EBF1: variants seen among roughly 807,000 people sequenced by gnomAD.
The protein encoded by EBF1 is EBF transcription factor 1, also known as transcription factor COE1.
Under a neutral mutation model 68.4 loss-of-function variants are expected in EBF1, and 10 were observed. The observed-to-expected ratio is 0.15, with a 90% CI of 0.09 to 0.25. The LOEUF is 0.25. EBF1 is among the 10% of genes least tolerant of loss of function. EBF1 has a pLI of 1.00. For missense variants in EBF1, 509 were observed against 794.4 expected (o/e 0.64, Z 4.32); for synonymous variants, 298 against 299.8 (o/e 0.99, Z 0.06).
chr5:158,874,957 T>C (rs1386017619), intron 6 of EBF1, among the ~76,000 whole-genome samples: 1 of 152,106 alleles, frequency 6.6e-6, no homozygotes, highest in South Asian at 2.1e-4. Flanking sequence ...ATGGCAATTA[T>C]AGAACCATGC....
chr5:159,044,244 C>A (rs955186518), intron 6 of EBF1, among the ~76,000 whole-genome samples: 1 of 152,138 alleles, frequency 6.6e-6, no homozygotes, highest in African/African-American at 2.4e-5. Context: ...TAAGTGATGA[C>A]AATCTTAGCA....
At chr5:158,936,762 A>T (rs1029155632) in intron 6 of EBF1, among the ~76,000 whole-genome samples, 3 of 152,144 alleles carry the variant, frequency 2.0e-5, no homozygotes, top group Non-Finnish European at 4.4e-5. Flanking sequence ...CTGTAACCTT[A>T]ATCTTGTTGA....
intron 6 of EBF1, among the ~76,000 whole-genome samples, chr5:158,939,969 T>C (rs575080739): frequency 2.0e-5 from 3 of 152,284 alleles, no homozygotes; most frequent in African/African-American, 7.2e-5. Flanking sequence ...AATACACTTA[T>C]ACCCTCTTAC....
chr5:159,017,406 G>A (rs1765833151), intron 6 of EBF1, among the ~76,000 whole-genome samples: 1 of 152,146 alleles, frequency 6.6e-6, no homozygotes, highest in African/African-American at 2.4e-5. Flanking sequence ...TTCTCCAACA[G>A]CAACGGAGCA....
At position 158,799,565 on chromosome 5, in the gene EBF1, T is replaced by A. The variant is rs1317611057; in HGVS notation, c.779-3090A>T. Among the ~76,000 whole-genome samples, 4 of 152,204 alleles carry A rather than the reference T, an allele frequency of 2.6e-5. No homozygotes were observed. The South Asian group carries it at 8.3e-4, about 32-fold the overall frequency. ...AAACCCTGTGACCAGCAAAAGAGAA[T>A]CAGGCCCAAGAGCTATTGTTAAGAA... On this transcript the variant is annotated intron_variant, in intron 8 of 15. Transcript: ENST00000313708.
chr5:159,093,107 G>A (rs1781947011), intron 4 of EBF1, among the ~76,000 whole-genome samples: 1 of 152,164 alleles, frequency 6.6e-6, no homozygotes, highest in East Asian at 1.9e-4. Flanking sequence ...CACACCTAGG[G>A]AAAGTTAAGC....
chr5:159,099,298 C>T, intron 1 of EBF1, 47 bp downstream of exon 1: 3 of 1,420,094 alleles, frequency 2.1e-6, no homozygotes, highest in Non-Finnish European at 2.8e-6. Context: ...CCTCCCGGCT[C>T]TCCCGCTCGC....
intron 9 of EBF1, among the ~76,000 whole-genome samples, chr5:158,794,194 TG>T (rs1779204370): frequency 6.6e-6 from 1 of 152,140 alleles, no homozygotes; most frequent in African/African-American, 2.4e-5. Flanking sequence ...AGCTCCTGGC[TG>T]GACCCACCCT....
intron 6 of EBF1, among the ~76,000 whole-genome samples, chr5:159,028,357 T>C (rs1040574686): frequency 3.3e-5 from 5 of 152,146 alleles, no homozygotes; most frequent in African/African-American, 1.2e-4. Flanking sequence ...AAATCTAAGC[T>C]TCTGAAAAGA....
chr5:158,789,840 A>G (rs562477331), intron 9 of EBF1, among the ~76,000 whole-genome samples: 1 of 152,324 alleles, frequency 6.6e-6, no homozygotes, highest in Admixed American at 6.5e-5. Flanking sequence ...TATCATAGGG[A>G]AGCCAATCCT....
chr5:158,922,985 A>G (rs991525994), intron 6 of EBF1, among the ~76,000 whole-genome samples: 12 of 152,356 alleles, frequency 7.9e-5, no homozygotes, highest in Admixed American at 3.3e-4. Context: ...ATTGCAGCCG[A>G]AATGAATGGC....
chr5:158,784,848 G>C (rs185221543), intron 9 of EBF1, among the ~76,000 whole-genome samples: 1 of 152,130 alleles, frequency 6.6e-6, no homozygotes, highest in Non-Finnish European at 1.5e-5. Flanking sequence ...CCATTGAAGG[G>C]TCTGCGTTCT....
At chr5:158,909,142 GAAAA>G (rs1805330870) in intron 6 of EBF1, among the ~76,000 whole-genome samples, 2 of 151,696 alleles carry the variant, frequency 1.3e-5, no homozygotes, top group African/African-American at 2.4e-5. Flanking sequence ...AAAACAGAAA[GAAAA>G]AGAAAGAAAG....
chr5:158,802,977 T>C (rs1780886299), intron 8 of EBF1, among the ~76,000 whole-genome samples: 2 of 152,284 alleles, frequency 1.3e-5, no homozygotes, highest in South Asian at 4.1e-4. Flanking sequence ...AGCTGCTTGC[T>C]AACATATCCA....
chr5:158,697,858 A>G lies in EBF1; in HGVS notation c.*1253T>C, dbSNP rs146901620. The G allele has an allele frequency of 5.5e-3, 1,134 of 207,084 alleles. 13 individuals are homozygous for G. Among genetic ancestry groups the G allele is most frequent in the African/African-American group, 0.025 (1,087 of 44,030 alleles). The allele number at this position is 207,084 out of a possible 1,614,324, so 12.8% of individuals were successfully genotyped here. A position where few individuals can be genotyped will look rare whatever the true frequency, so the allele number is the denominator to read the frequency against. ...CTCAGAGCTTTGCTGCATCTTTGCT[A>G]TTAATTCTTATTTTTAAGAACACTT... On this transcript the variant is annotated 3_prime_UTR_variant, in exon 16 of 16. Coordinates refer to ENST00000313708, the MANE Select transcript of EBF1 (RefSeq NM_024007.5).
At chr5:158,866,434 C>G (rs2128045731) in intron 6 of EBF1, among the ~76,000 whole-genome samples, 1 of 152,270 alleles carries the variant, frequency 6.6e-6, no homozygotes, top group South Asian at 2.1e-4. Flanking sequence ...TTTGACAGCT[C>G]TGATCGGGTA....
chr5:158,777,752 A>T (rs1775591535), intron 9 of EBF1, among the ~76,000 whole-genome samples: 1 of 152,212 alleles, frequency 6.6e-6, no homozygotes, highest in South Asian at 2.1e-4. Flanking sequence ...GTTTTCCTAC[A>T]TGGCAGGCCC....
chr5:158,803,350 T>C lies in EBF1; in HGVS notation c.779-6875A>G, dbSNP rs538652479. Among the ~76,000 whole-genome samples, 25 of 99,020 alleles carry C rather than the reference T, an allele frequency of 2.5e-4. No individual in the cohort carries two copies. The South Asian group carries it at 0.012, about 46-fold the overall frequency. 65.0% of individuals were successfully genotyped at this position (99,020 alleles called of 152,430 possible). A position where few individuals can be genotyped will look rare whatever the true frequency, so the allele number is the denominator to read the frequency against. ...GCTCGATCTGAATGCTTGTTTTTGC[T>C]GGTGTTTTTTTTTTTTTTTTTTCAG... On this transcript the variant is annotated intron_variant, in intron 8 of 15. Coordinates refer to ENST00000313708, the MANE Select transcript of EBF1 (RefSeq NM_024007.5).
intron 6 of EBF1, among the ~76,000 whole-genome samples, chr5:158,912,284 G>A (rs989242205): frequency 6.6e-6 from 1 of 152,224 alleles, no homozygotes; most frequent in African/African-American, 2.4e-5. Context: ...ACCCACCAAA[G>A]TTCAAGTTCC....
Sources: allele counts gnomAD v4.1 joint callset (sites outside exome capture counted in the v4.1 genomes callset), GRCh38; gene constraint gnomAD v4.1.1; transcripts MANE v1.5; gene names NCBI Gene and HGNC (gene_info 2026-07-23, HGNC 2026-07-21).